The following FLG variants were observed in gnomAD, a reference collection of about 807,000 sequenced individuals.
FLG encodes the protein filaggrin, also known as epidermal filaggrin.
A neutral mutation model predicts 3.8 loss-of-function variants in FLG; 6 were observed. That is an observed-to-expected ratio of 1.60 (90% CI 0.87 to 3.15). The LOEUF (loss-of-function observed/expected upper bound fraction) is 3.15, where lower values mean the gene tolerates loss of function less well. Ranked by LOEUF, FLG falls within the 30% of genes most tolerant of loss-of-function variation. The probability of loss-of-function intolerance (pLI) is 0.00; values close to 1 mark genes in which losing one functional copy is unlikely to be tolerated. For synonymous variants in FLG, 2,551 were observed against 1,931.6 expected (o/e 1.32, Z -8.41); for missense variants, 7,595 against 5,050.9 (o/e 1.50, Z -15.27).
rs768421380 is a variant in FLG, at chr1:152,313,122, A to G, written c.1764T>C (p.His588=). 1.2e-4 allele frequency: 187 copies of G among 1,613,628 alleles called. No homozygotes were observed. The highest frequency in any genetic ancestry group is 1.5e-4 in the Non-Finnish European group (178 of 1,179,944). ...GDGTRHSGSR[H]HEASSQADSS... is the part of the protein sequence containing the mutation. ...TGTCAGCCTGAGAGGAAGCTTCATG[A>G]TGACGTGACCCTGAGTGCCTGGTGC... Residue 588 remains histidine (H), a synonymous_variant, in exon 3 of 3, where the codon CAT becomes CAC. Transcript: ENST00000368799.
intron 1 of FLG, among the ~76,000 whole-genome samples, chr1:152,321,841 C>T (rs902880310): frequency 2.6e-5 from 4 of 150,952 alleles, no homozygotes; most frequent in African/African-American, 4.8e-5. Flanking sequence ...AACCTGACAA[C>T]GATATAAGAA....
rs139059162 is a variant in FLG at position 152,307,546 on chromosome 1, C to T, written c.7340G>A (p.Arg2447Gln). ...GRQGSHHKQA[R>Q]DSSRHSTSQE... ...GGACGTTGAGTGCCTGGAGCTGTCTCGTGCCTGCTTGTGGTGGGATCCTTG... is the reference window on the plus strand; with the variant it reads ...GGACGTTGAGTGCCTGGAGCTGTCTTGTGCCTGCTTGTGGTGGGATCCTTG... The change falls in exon 3 of 3, where the codon CGA becomes CAA. Residue 2447 changes from arginine (R) to glutamine (Q), a missense_variant. Transcript: ENST00000368799. 7.9e-5 allele frequency: 128 copies of T among 1,613,378 alleles called. No homozygotes were observed. The highest frequency in any genetic ancestry group is 1.0e-4 in the Admixed American group (6 of 59,920).
chr1:152,307,404 G>T lies in FLG; in HGVS notation c.7482C>A (p.His2494Gln), dbSNP rs768342355. The change falls in exon 3 of 3, where the codon CAC becomes CAA. Residue 2494 changes from histidine (H) to glutamine (Q), a missense_variant. Coordinates refer to ENST00000368799, the MANE Select transcript of FLG (RefSeq NM_002016.2). ...CATCAGACCTTCCCTGGGATGTGGT[G>T]TGGCTGTGATGAGACCCTGAGTGTC... The part of the protein sequence containing the change: ...RSGHSGSHHS[H>Q]TTSQGRSDAS... 3.1e-6 allele frequency: 5 copies of T among 1,613,276 alleles called. No individual in the cohort carries two copies. The highest frequency in any genetic ancestry group is 4.2e-6 in the Non-Finnish European group (5 of 1,179,700).
At position 152,310,521 on chromosome 1, in the gene FLG, G is replaced by T. The variant is rs142950612; in HGVS notation, c.4365C>A (p.His1455Gln). 4 of 1,613,696 alleles carry T rather than the reference G, an allele frequency of 2.5e-6. No individual in the cohort carries two copies. Among genetic ancestry groups the T allele is most frequent in the East Asian group, 2.2e-5 (1 of 44,838 alleles). The change falls in exon 3 of 3, where the codon CAC becomes CAA. Residue 1455 changes from histidine to glutamine, a missense_variant. Coordinates refer to ENST00000368799, the MANE Select transcript of FLG (RefSeq NM_002016.2). Reference protein sequence around the residue: ...VSSHEQSESTHGQTAPSTGGR... With the variant: ...VSSHEQSESTQGQTAPSTGGR... ...CTCCAGTGCTGGGTGCAGTCTGTCCGTGTGTGGACTCAGACTGTTCATGAG... is the reference window on the plus strand; with the variant it reads ...CTCCAGTGCTGGGTGCAGTCTGTCCTTGTGTGGACTCAGACTGTTCATGAG...
chr1:152,313,574 A>C lies in FLG; in HGVS notation c.1312T>G (p.Ser438Ala). 1 of 1,613,740 alleles carries C rather than the reference A, an allele frequency of 6.2e-7. No individual in the cohort carries two copies. Among genetic ancestry groups the C allele is most frequent in the Non-Finnish European group, 8.5e-7 (1 of 1,179,950 alleles). The change falls in exon 3 of 3, where the codon TCA (serine) becomes GCA (alanine). Residue 438 changes from serine to alanine, a missense_variant. Coordinates refer to ENST00000368799, the MANE Select transcript of FLG (RefSeq NM_002016.2). ...HSENSDTQSV[S>A]GHGKAGLRQQ... Reference sequence around the variant, plus strand: ...CTCAGCCCAGCCTTTCCGTGGCCTGACACTGATTGTGTGTCTGAGTTTTCT... The same window carrying C: ...CTCAGCCCAGCCTTTCCGTGGCCTGCCACTGATTGTGTGTCTGAGTTTTCT...
At chr1:152,321,426 C>G (rs1652965012) in intron 1 of FLG, among the ~76,000 whole-genome samples, 1 of 150,848 alleles carries the variant, frequency 6.6e-6, no homozygotes, top group Admixed American at 6.6e-5. Flanking sequence ...ATAACCCCTG[C>G]AAGATTAATC....
Position 152,312,536 on chromosome 1 carries a change from CT to C in FLG, c.2349del (p.Glu785LysfsTer13). 1.2e-6 allele frequency: 2 copies of C among 1,613,636 alleles called. No individual in the cohort carries two copies. The highest frequency in any genetic ancestry group is 8.5e-7 in the Non-Finnish European group (1 of 1,179,936). Reference protein sequence around the residue: ...QSHQESARDRSGERSRRSGSF... With the variant: ...QSHQESARDRXGERSRRSGSF... The stretch of plus-strand genomic sequence containing the variant: ...GACCCTGAACGTCGAGACCTTTCCC[CT>C]GACCGGTCACGTGCGGACTCTTGGT... On this transcript the variant is annotated frameshift_variant, in exon 3 of 3. Coordinates refer to ENST00000368799, the MANE Select transcript of FLG (RefSeq NM_002016.2). LOFTEE classifies it low-confidence loss of function (END_TRUNC).
Position 152,310,380 on chromosome 1 carries a change from T to C in FLG, c.4506A>G (p.Gly1502=), listed in dbSNP as rs1024031276. 5 of 1,613,570 alleles carry C rather than the reference T, an allele frequency of 3.1e-6. No homozygotes were observed. The highest frequency in any genetic ancestry group is 4.2e-6 in the Non-Finnish European group (5 of 1,179,928). ...TATCTACTGATTGCTCGTGGTAGGATCCCTGCCTTCCTCCTCTGCTTGACC... is the reference window on the plus strand; with the variant it reads ...TATCTACTGATTGCTCGTGGTAGGACCCCTGCCTTCCTCCTCTGCTTGACC... ...HPGSSRGGRQ[G]SYHEQSVDRS... Residue 1502 remains glycine, a synonymous_variant, in exon 3 of 3, where the codon GGA becomes GGG. Transcript: ENST00000368799.
chr1:152,322,089 C>A (rs1652996450), intron 1 of FLG, among the ~76,000 whole-genome samples: 2 of 150,880 alleles, frequency 1.3e-5, no homozygotes, highest in South Asian at 2.1e-4. Context: ...AATATTAATT[C>A]TGATTAATAA....
In FLG at chr1:152,308,833, C is replaced by A. The variant is rs369885488; in HGVS notation, c.6053G>T (p.Arg2018Ile). Residue 2018 changes from arginine to isoleucine, a missense_variant, in exon 3 of 3, where the codon AGA becomes ATA. Coordinates refer to ENST00000368799, the MANE Select transcript of FLG (RefSeq NM_002016.2). ...TTGTCCATGCCCAATGCCTGAGTGT[C>A]TGGAGCTGTCTGCTGACTGGAGCTG... ...HHQLQSADSS[R>I]HSGIGHGQAS... The A allele has an allele frequency of 6.9e-5, 111 of 1,614,206 alleles. No homozygotes were observed. The South Asian group carries it at 1.0e-3, about 15-fold the overall frequency.
chr1:152,310,666 G>A lies in FLG; in HGVS notation c.4220C>T (p.Thr1407Ile), dbSNP rs754660081. ...NSEGHSEDSDTQSVSAHGQAG... is the reference protein window; with the variant it reads ...NSEGHSEDSDIQSVSAHGQAG... ...TTGTCCGTGGGCTGACACTGACTGTGTGTCTGAGTCTTCTGAATGTCCCTC... is the reference window on the plus strand; with the variant it reads ...TTGTCCGTGGGCTGACACTGACTGTATGTCTGAGTCTTCTGAATGTCCCTC... Residue 1407 changes from threonine (T) to isoleucine (I), a missense_variant, in exon 3 of 3, where the codon ACA becomes ATA. Transcript: ENST00000368799. 6.8e-6 allele frequency: 11 copies of A among 1,613,822 alleles called. No homozygotes were observed. The East Asian group carries it at 2.5e-4, about 36-fold the overall frequency.
rs1169418418 is a variant in FLG, at chr1:152,311,435, C to G, written c.3451G>C (p.Asp1151His). 5 of 1,613,864 alleles carry G rather than the reference C, an allele frequency of 3.1e-6. No individual in the cohort carries two copies. The part of the protein sequence containing the change: ...RQGSHHEQAR[D>H]SSRHSASQEG... ...TGGGACGCTGAGTGCCTGGAGCTGT[C>G]TCGTGCCTGCTCGTGGTGGGATCCT... Residue 1151 changes from aspartate to histidine, a missense_variant, in exon 3 of 3, where the codon GAC becomes CAC. Coordinates refer to ENST00000368799, the MANE Select transcript of FLG (RefSeq NM_002016.2).
At position 152,307,334 on chromosome 1, in the gene FLG, G is replaced by C. The variant is rs111618175; in HGVS notation, c.7552C>G (p.Arg2518Gly). The C allele has an allele frequency of 3.7e-4, 596 of 1,612,854 alleles. 10 individuals are homozygous for C. In the African/African-American group the frequency reaches 5.7e-3, roughly 16 times the overall value. ...CCGTCTCCTGATTGTTCATCGTTAC[G>C]AGTTTGTCTGCTTGCACTTCTGGAT... ...SGSRSASRQT[R>G]NDEQSGDGSR... The change falls in exon 3 of 3, where the codon CGT (arginine) becomes GGT (glycine). Residue 2518 changes from arginine to glycine, a missense_variant. Transcript: ENST00000368799.
rs145667241 is a variant in FLG, at chr1:152,303,014, A to T, written c.11872T>A (p.Tyr3958Asn). Residue 3958 changes from tyrosine to asparagine, a missense_variant, in exon 3 of 3, where the codon TAT becomes AAT. Tyr to Asn is a moderately radical substitution (Grantham distance 143). Coordinates refer to ENST00000368799, the MANE Select transcript of FLG (RefSeq NM_002016.2). ...TGCCTTTCAGTGCCCTCAGATTGAT[A>T]ATGATAAGAACTAGAACTGTGAGGA... The part of the protein sequence containing the change: ...GSPHSSSSYH[Y>N]QSEGTERQKG... 3.8e-5 allele frequency: 62 copies of T among 1,614,206 alleles called. No homozygotes were observed. The African/African-American group carries it at 7.5e-4, about 19-fold the overall frequency.
rs149975479 is a variant in FLG, at chr1:152,310,283, A to T, written c.4603T>A (p.Ser1535Thr). The T allele has an allele frequency of 6.2e-7, 1 of 1,613,460 alleles. No individual in the cohort carries two copies. The highest frequency in any genetic ancestry group is 1.3e-5 in the African/African-American group (1 of 74,708). The change falls in exon 3 of 3, where the codon TCA becomes ACA. Residue 1535 changes from serine to threonine, a missense_variant. By Grantham distance (58) the Ser-to-Thr change is moderately conservative (BLOSUM62 1). Coordinates refer to ENST00000368799, the MANE Select transcript of FLG (RefSeq NM_002016.2). ...TGCCTGCTTGCACTTCTGGGTCCTG[A>T]CTGCCCATGGGAGGCATCAGACCTT... is the stretch of plus-strand genomic sequence containing the variant. The part of the protein sequence containing the change: ...QGRSDASHGQ[S>T]GPRSASRQTR...
In FLG at chr1:152,307,433, A is replaced by G. The variant is rs1159468714; in HGVS notation, c.7453T>C (p.Ser2485Pro). 6.2e-7 allele frequency: 1 copy of G among 1,612,958 alleles called. No individual in the cohort carries two copies. The highest frequency in any genetic ancestry group is 1.3e-5 in the African/African-American group (1 of 74,694). The change falls in exon 3 of 3, where the codon TCT becomes CCT. Residue 2485 changes from serine (S) to proline (P), a missense_variant. Coordinates refer to ENST00000368799, the MANE Select transcript of FLG (RefSeq NM_002016.2). ...CTGTGATGAGACCCTGAGTGTCCAG[A>G]TCTATCTACCAATTGCTCGTAGTGG... Reference protein sequence around the residue: ...GSHYEQLVDRSGHSGSHHSHT... With the variant: ...GSHYEQLVDRPGHSGSHHSHT...
In FLG at chr1:152,313,397, G is replaced by A. The variant is rs1219955630; in HGVS notation, c.1489C>T (p.His497Tyr). ...CTGGAGCTGTCTCGTGCCTGCTCGT[G>A]GTGCGATCCTTGTCTTCCTCCAGTG... The part of the protein sequence containing the change: ...TSTGGRQGSH[H>Y]EQARDSSRHS... The change falls in exon 3 of 3, where the codon CAC (histidine) becomes TAC (tyrosine). Residue 497 changes from histidine to tyrosine, a missense_variant. By Grantham distance (83) the His-to-Tyr change is moderately conservative. Coordinates refer to ENST00000368799, the MANE Select transcript of FLG (RefSeq NM_002016.2). 2 of 1,613,732 alleles carry A rather than the reference G, an allele frequency of 1.2e-6. No homozygotes were observed. Among genetic ancestry groups the A allele is most frequent in the Non-Finnish European group, 1.7e-6 (2 of 1,179,900 alleles).
intron 1 of FLG, among the ~76,000 whole-genome samples, chr1:152,322,657 G>A (rs142162565): frequency 6.6e-5 from 10 of 150,922 alleles, no homozygotes; most frequent in African/African-American, 2.4e-4. Flanking sequence ...AAAAAAAGAG[G>A]AAATTTTTAG....
At position 152,310,122 on chromosome 1, in the gene FLG, C is replaced by A; in HGVS notation, c.4764G>T (p.Arg1588Ser). The change falls in exon 3 of 3, where the codon AGG becomes AGT. Residue 1588 changes from arginine (R) to serine (S), a missense_variant. Coordinates refer to ENST00000368799, the MANE Select transcript of FLG (RefSeq NM_002016.2). ...QGESAGSKTS[R>S]RQGSSVSQDR... ...CCTGACTAACACTGGATCCCTGGCG[C>A]CTGCTTGTCTTGGACCCCGCTGATT... 6.2e-7 allele frequency: 1 copy of A among 1,613,934 alleles called. No individual in the cohort carries two copies. Among genetic ancestry groups the A allele is most frequent in the Non-Finnish European group, 8.5e-7 (1 of 1,179,990 alleles).
Sources: gnomAD v4.1 joint callset for allele counts (sites outside exome capture counted in the v4.1 genomes callset) on GRCh38, gnomAD v4.1.1 for gene constraint, MANE v1.5 for transcripts, NCBI Gene and HGNC (gene_info 2026-07-23, HGNC 2026-07-21) for gene names.